The following FRMD4B variants were observed in gnomAD, a reference collection of about 807,000 sequenced individuals.
FRMD4B encodes the protein FERM domain-containing protein 4B.
Under a neutral mutation model 141.5 loss-of-function variants are expected in FRMD4B, and 74 were observed. That is an observed-to-expected ratio of 0.52 (90% CI 0.43 to 0.63). FRMD4B has a LOEUF of 0.63. FRMD4B is among the 30% of genes least tolerant of loss of function. The pLI is 0.00. For synonymous variants in FRMD4B, 506 were observed against 467.9 expected (o/e 1.08, Z -1.05); for missense variants, 1,366 against 1,253.4 (o/e 1.09, Z -1.36).
chr3:69,461,326 G>T (rs1490935375), intron 1 of FRMD4B, among the ~76,000 whole-genome samples: 5 of 152,132 alleles, frequency 3.3e-5, no homozygotes, highest in African/African-American at 9.7e-5. Context: ...GAAGGCCAAG[G>T]TGGGCCGAGA....
chr3:69,447,057 G>A (rs1705420272), intron 1 of FRMD4B, among the ~76,000 whole-genome samples: 1 of 152,128 alleles, frequency 6.6e-6, no homozygotes, highest in South Asian at 2.1e-4. Context: ...ATTCAGTATA[G>A]GGGTGGTTCA....
At chr3:69,460,771 A>AGGCCATCTGT (rs1705696011) in intron 1 of FRMD4B, among the ~76,000 whole-genome samples, 1 of 152,170 alleles carries the variant, frequency 6.6e-6, no homozygotes, top group African/African-American at 2.4e-5. Flanking sequence ...GCCCTCCTCT[A>AGGCCATCTGT]GGCCATCTGT....
intron 18 of FRMD4B, among the ~76,000 whole-genome samples, chr3:69,188,732 C>T (rs2092799032): frequency 7.2e-6 from 1 of 138,274 alleles, no homozygotes; most frequent in Non-Finnish European, 1.5e-5. Context: ...AGTCCGCAGT[C>T]CGACCTGGGC....
In FRMD4B at chr3:69,456,156, G is replaced by A. The variant is rs925292410; in HGVS notation, c.-128-23395C>T. Among the ~76,000 whole-genome samples, 8 of 151,928 alleles carry A rather than the reference G, an allele frequency of 5.3e-5. No individual in the cohort carries two copies. In the South Asian group the frequency reaches 8.4e-4, roughly 16 times the overall value. On this transcript the variant is annotated intron_variant, in intron 1 of 5. Coordinates refer to the FRMD4B transcript ENST00000459638. The stretch of plus-strand genomic sequence containing the variant: ...CCCAGAGACAAAACATCTGAAACAG[G>A]GCTCCCTACCTCTTCCTTTCTGCTT...
chr3:69,230,090 C>T (rs1175459079), intron 7 of FRMD4B, among the ~76,000 whole-genome samples: 1 of 152,018 alleles, frequency 6.6e-6, no homozygotes, highest in Non-Finnish European at 1.5e-5. Flanking sequence ...AATTCTCTGC[C>T]TCAGCTTCCC....
At position 69,249,650 on chromosome 3, in the gene FRMD4B, C is replaced by G. The variant is rs1021832399; in HGVS notation, c.558+393G>C. ...CTTTTTAAACCAGCATGGAAACAGACTAATGCCTTTAAGAACTAAAGGGCT... is the reference window on the plus strand; with the variant it reads ...CTTTTTAAACCAGCATGGAAACAGAGTAATGCCTTTAAGAACTAAAGGGCT... On this transcript the variant is annotated intron_variant, in intron 6 of 22. Coordinates refer to ENST00000398540, the MANE Select transcript of FRMD4B (RefSeq NM_015123.3). Among the ~76,000 whole-genome samples the G allele has an allele frequency of 5.9e-5, 9 of 152,200 alleles. No homozygotes were observed. The East Asian group carries it at 1.7e-3, about 29-fold the overall frequency.
At chr3:69,399,210 T>A (rs1218909885) in intron 2 of FRMD4B, among the ~76,000 whole-genome samples, 1 of 152,220 alleles carries the variant, frequency 6.6e-6, no homozygotes, top group Admixed American at 6.5e-5. Context: ...TGGTACTTCG[T>A]TCATGGCCCT....
chr3:69,315,495 A>G lies in FRMD4B; in HGVS notation c.163-1978T>C, dbSNP rs535596116. 2.0e-3 allele frequency among the ~76,000 whole-genome samples: 304 copies of G among 152,268 alleles called. 7 individuals are homozygous for G. The highest frequency in any genetic ancestry group is 2.4e-4 in the Non-Finnish European group (16 of 68,022). On this transcript the variant is annotated intron_variant, in intron 1 of 22. Transcript: ENST00000398540. ...CCAGAAATTTGATATATATGTGTGT[A>G]TATGTGTTTATCCGTGTATGTGTGT...
chr3:69,371,951 C>T (rs1703836111), intron 1 of FRMD4B, among the ~76,000 whole-genome samples: 1 of 152,196 alleles, frequency 6.6e-6, no homozygotes, highest in Non-Finnish European at 1.5e-5. Context: ...TCCCACCACA[C>T]TTACTGCAAA....
At chr3:69,482,223 G>A (rs1706135491) in intron 1 of FRMD4B, among the ~76,000 whole-genome samples, 1 of 152,142 alleles carries the variant, frequency 6.6e-6, no homozygotes. Context: ...GGGGTAGGGA[G>A]TAGGGTGGGG....
chr3:69,287,992 T>A (rs1379050833), intron 4 of FRMD4B, among the ~76,000 whole-genome samples, 156 bp from the exon 5 acceptor site: 1 of 152,204 alleles, frequency 6.6e-6, no homozygotes, highest in Non-Finnish European at 1.5e-5. Flanking sequence ...CCGCACGTAT[T>A]TATGTGATGG....
chr3:69,170,462 A>T lies in FRMD4B; in HGVS notation c.*1399T>A, dbSNP rs527796927. On this transcript the variant is annotated 3_prime_UTR_variant, in exon 23 of 23. Transcript: ENST00000398540. ...TCCCAAACTTCATTTCTAATTATAC[A>T]AATGACTAAGGACCAGTTTAACAAA... 1 of 152,302 alleles carries T rather than the reference A, an allele frequency of 6.6e-6. No individual in the cohort carries two copies. The highest frequency in any genetic ancestry group is 1.9e-4 in the East Asian group (1 of 5,190). 9.4% of individuals were successfully genotyped at this position (152,302 alleles called of 1,614,324 possible). A position where few individuals can be genotyped will look rare whatever the true frequency, so the allele number is the denominator to read the frequency against.
intron 1 of FRMD4B, among the ~76,000 whole-genome samples, chr3:69,478,171 A>AT (rs1559539990): frequency 1.3e-5 from 2 of 151,974 alleles, no homozygotes; most frequent in Admixed American, 1.3e-4. Context: ...GGATTTATTG[A>AT]TTTTTTGAAG....
chr3:69,475,355 C>G (rs1188828676), intron 1 of FRMD4B, among the ~76,000 whole-genome samples: 1 of 151,410 alleles, frequency 6.6e-6, no homozygotes, highest in Non-Finnish European at 1.5e-5. Flanking sequence ...ATCCCTCCCC[C>G]TTCCCCCCAC....
chr3:69,308,261 G>A (rs1701457971), intron 3 of FRMD4B, among the ~76,000 whole-genome samples: 1 of 152,094 alleles, frequency 6.6e-6, no homozygotes, highest in East Asian at 1.9e-4. Context: ...TACTATATAA[G>A]GCACTGTTAT....
intron 2 of FRMD4B, among the ~76,000 whole-genome samples, chr3:69,399,634 G>T (rs916126895): frequency 2.6e-5 from 4 of 152,052 alleles, no homozygotes; most frequent in African/African-American, 9.7e-5. Context: ...TTTCCCTCAG[G>T]CTCTTTATAT....
At position 69,201,926 on chromosome 3, in the gene FRMD4B, G is replaced by A. The variant is rs1450988818; in HGVS notation, c.877-3152C>T. 7.9e-5 allele frequency among the ~76,000 whole-genome samples: 12 copies of A among 152,108 alleles called. No homozygotes were observed. The South Asian group carries it at 1.5e-3, about 18-fold the overall frequency. ...AGGGGCTGGGCGTGGTGGGTTGGCC[G>A]GGCGCAGTGGCTCATGCCTGCAATC... On this transcript the variant is annotated intron_variant, in intron 11 of 22. Coordinates refer to ENST00000398540, the MANE Select transcript of FRMD4B (RefSeq NM_015123.3).
chr3:69,526,676 G>A (rs1409392681), intron 1 of FRMD4B, among the ~76,000 whole-genome samples: 2 of 152,074 alleles, frequency 1.3e-5, no homozygotes, highest in African/African-American at 2.4e-5. Flanking sequence ...TGCAGGACTG[G>A]ACAGCTTTAA....
At chr3:69,330,579 T>C (rs138343846) in intron 1 of FRMD4B, among the ~76,000 whole-genome samples, 1 of 152,016 alleles carries the variant, frequency 6.6e-6, no homozygotes, top group East Asian at 1.9e-4. Flanking sequence ...ACTCCTGACC[T>C]CGTGATCTGC....
Sources: gnomAD v4.1 joint callset for allele counts (sites outside exome capture counted in the v4.1 genomes callset) on GRCh38, gnomAD v4.1.1 for gene constraint, MANE v1.5 for transcripts, NCBI Gene and HGNC (gene_info 2026-07-23, HGNC 2026-07-21) for gene names.